SEMA6D: variants seen among roughly 807,000 people sequenced by gnomAD.
The protein encoded by SEMA6D is semaphorin-6D.
Under a neutral mutation model 106.6 loss-of-function variants are expected in SEMA6D, and 35 were observed. The ratio of observed to expected loss-of-function variants is 0.33; its 90% CI spans 0.25 to 0.44. The LOEUF (loss-of-function observed/expected upper bound fraction) is 0.44, where lower values mean the gene tolerates loss of function less well. SEMA6D is among the 20% of genes least tolerant of loss of function. SEMA6D has a pLI of 1.00. For synonymous variants in SEMA6D, 499 were observed against 487.7 expected, an observed-to-expected ratio of 1.02 and a Z score of -0.31; for missense variants, 1,185 against 1,345.9, an observed-to-expected ratio of 0.88 and a Z score of 1.87.
chr15:47,457,305 A>T (rs149450956), intron 2 of SEMA6D, among the ~76,000 whole-genome samples: 1 of 152,012 alleles, frequency 6.6e-6, no homozygotes, highest in African/African-American at 2.4e-5. Context: ...CATCCAATAC[A>T]GACTTACTTA....
chr15:47,542,250 TA>T (rs1276909233), intron 3 of SEMA6D, among the ~76,000 whole-genome samples: 1 of 152,206 alleles, frequency 6.6e-6, no homozygotes, highest in Non-Finnish European at 1.5e-5. Flanking sequence ...CTGACAAGAA[TA>T]TTTTTTGATG....
At chr15:47,549,112 G>T (rs1418472243) in intron 3 of SEMA6D, among the ~76,000 whole-genome samples, 1 of 152,024 alleles carries the variant, frequency 6.6e-6, no homozygotes, top group Non-Finnish European at 1.5e-5. Context: ...GTATTACAGG[G>T]GATTCTCCAG....
At chr15:47,718,371 G>C (rs1288363814) in intron 1 of SEMA6D, 3 of 152,286 alleles carry the variant, frequency 2.0e-5, no homozygotes, top group Admixed American at 2.0e-4. Flanking sequence ...AGCCCCTCGC[G>C]GGCGTAGGAT....
At chr15:47,580,364 A>G (rs202106665) in intron 3 of SEMA6D, among the ~76,000 whole-genome samples, 2 of 152,214 alleles carry the variant, frequency 1.3e-5, no homozygotes, top group East Asian at 1.9e-4. Flanking sequence ...AGTTAAAATC[A>G]TGTTTTTGTA....
chr15:47,543,289 A>G (rs951638200), intron 3 of SEMA6D, among the ~76,000 whole-genome samples: 1 of 152,052 alleles, frequency 6.6e-6, no homozygotes, highest in African/African-American at 2.4e-5. Flanking sequence ...AATAATCCCC[A>G]TGTGTCAAGG....
At chr15:47,555,153 A>G (rs1474135782) in intron 3 of SEMA6D, among the ~76,000 whole-genome samples, 1 of 152,152 alleles carries the variant, frequency 6.6e-6, no homozygotes, top group Non-Finnish European at 1.5e-5. Context: ...AACCAGTTCT[A>G]ATGAACAGAA....
intron 3 of SEMA6D, among the ~76,000 whole-genome samples, chr15:47,523,073 G>A (rs989608539): frequency 3.3e-5 from 5 of 152,284 alleles, no homozygotes; most frequent in South Asian, 2.1e-4. Flanking sequence ...GTAAATATCC[G>A]CATCCTATAC....
rs142805222 is a variant in SEMA6D at position 47,378,934 on chromosome 15, T to C, written c.-238-33459T>C. Reference sequence around the variant, plus strand: ...GTTTGTCGTCAGTTGGCAAGGGATCTCGGAAGACATACACTTCGTTTTCCC... The same window carrying C: ...GTTTGTCGTCAGTTGGCAAGGGATCCCGGAAGACATACACTTCGTTTTCCC... On this transcript the variant is annotated intron_variant, in intron 1 of 19. Transcript: ENST00000558014. Among the ~76,000 whole-genome samples, 206 of 152,300 alleles carry C rather than the reference T, an allele frequency of 1.4e-3. 2 individuals are homozygous for C. Among genetic ancestry groups the C allele is most frequent in the African/African-American group, 4.9e-3 (202 of 41,558 alleles).
chr15:47,519,127 G>A (rs1381679389), intron 3 of SEMA6D, among the ~76,000 whole-genome samples: 1 of 151,880 alleles, frequency 6.6e-6, no homozygotes, highest in Admixed American at 6.6e-5. Context: ...ATAAATAAAC[G>A]TTAAAAATTA....
At chr15:47,715,503 C>T (rs999227102), upstream of SEMA6D, among the ~76,000 whole-genome samples, 11 of 152,174 alleles carry the variant, frequency 7.2e-5, no homozygotes, top group Admixed American at 6.5e-4. Flanking sequence ...GGATACCATT[C>T]GTACCATGCC....
At chr15:47,493,089 C>A (rs2043524005) in intron 3 of SEMA6D, among the ~76,000 whole-genome samples, 1 of 152,092 alleles carries the variant, frequency 6.6e-6, no homozygotes, top group South Asian at 2.1e-4. Flanking sequence ...AGGAATTGAG[C>A]CATTAGAGTA....
chr15:47,749,900 G>A (rs1295322979), intron 1 of SEMA6D, among the ~76,000 whole-genome samples: 3 of 152,130 alleles, frequency 2.0e-5, no homozygotes, highest in Non-Finnish European at 2.9e-5. Context: ...CAGCTAGGGA[G>A]GTGGGAAGAA....
In SEMA6D at chr15:47,404,279, T is replaced by C. The variant is rs1159182; in HGVS notation, c.-238-8114T>C. Reference sequence around the variant, plus strand: ...GTGGAAGGGGTTAAGGCTGAAGATATAAAAAATAAATGTTACCATTTATTG... The same window carrying C: ...GTGGAAGGGGTTAAGGCTGAAGATACAAAAAATAAATGTTACCATTTATTG... On this transcript the variant is annotated intron_variant, in intron 1 of 19. Transcript: ENST00000558014. Among the ~76,000 whole-genome samples the C allele has an allele frequency of 5.5e-3, 835 of 152,278 alleles. 4 individuals carry two copies. The highest frequency in any genetic ancestry group is 0.019 in the African/African-American group (802 of 41,542).
chr15:47,239,891 AC>A (rs2141735587), intron 1 of SEMA6D, among the ~76,000 whole-genome samples: 2 of 152,328 alleles, frequency 1.3e-5, no homozygotes, highest in East Asian at 3.9e-4. Flanking sequence ...TATCTACCCA[AC>A]TAAGCTTCAG....
chr15:47,552,828 T>TTTTTTATATATATATAAATATATATA (rs1566882533), intron 3 of SEMA6D, among the ~76,000 whole-genome samples: 1 of 50,334 alleles, frequency 2.0e-5, no homozygotes, highest in African/African-American at 1.7e-4. Flanking sequence ...ATATATATAT[T>TTTTTTATATATATATAAATATATATA]TTTATATATA....
chr15:47,571,305 A>C (rs1369609195), intron 3 of SEMA6D, among the ~76,000 whole-genome samples: 1 of 152,242 alleles, frequency 6.6e-6, no homozygotes, highest in Non-Finnish European at 1.5e-5. Flanking sequence ...GGAAGAAAGC[A>C]TTTGAAAATA....
intron 1 of SEMA6D, among the ~76,000 whole-genome samples, chr15:47,368,502 G>A (rs1170182286): frequency 2.6e-5 from 4 of 151,578 alleles, no homozygotes; most frequent in African/African-American, 9.7e-5. Context: ...ACGGAGTCTC[G>A]CTCTGTCGCC....
At chr15:47,523,701 G>T (rs556959844) in intron 3 of SEMA6D, among the ~76,000 whole-genome samples, 1 of 152,318 alleles carries the variant, frequency 6.6e-6, no homozygotes, top group East Asian at 1.9e-4. Flanking sequence ...ATTCCCTTCT[G>T]TGGATCAACC....
intron 1 of SEMA6D, among the ~76,000 whole-genome samples, chr15:47,401,999 A>G: frequency 6.6e-6 from 1 of 152,228 alleles, no homozygotes; most frequent in Non-Finnish European, 1.5e-5. Flanking sequence ...ACAGTTCACA[A>G]AATCTTAAGA....
Sources: gnomAD v4.1 joint callset for allele counts (sites outside exome capture counted in the v4.1 genomes callset) on GRCh38, gnomAD v4.1.1 for gene constraint, MANE v1.5 for transcripts, NCBI Gene and HGNC (gene_info 2026-07-23, HGNC 2026-07-21) for gene names.